The following GRID2 variants were observed in gnomAD, a reference collection of about 807,000 sequenced individuals.
The protein encoded by GRID2 is glutamate ionotropic receptor delta type subunit 2, also known as glutamate receptor ionotropic, delta-2.
Under a neutral mutation model 114.8 loss-of-function variants are expected in GRID2, and 33 were observed. That is an observed-to-expected ratio of 0.29 (90% CI 0.22 to 0.38). The LOEUF (loss-of-function observed/expected upper bound fraction) is 0.38, where lower values mean the gene tolerates loss of function less well. Ranked by LOEUF, GRID2 falls within the 10% of genes least tolerant of loss-of-function variation. The probability of loss-of-function intolerance (pLI) is 1.00; values close to 1 mark genes in which losing one functional copy is unlikely to be tolerated. For missense variants in GRID2, 1,184 were observed against 1,257.7 expected, an observed-to-expected ratio of 0.94 and a Z score of 0.89; for synonymous variants, 505 against 449.9, an observed-to-expected ratio of 1.12 and a Z score of -1.55.
intron 13 of GRID2, among the ~76,000 whole-genome samples, chr4:93,533,669 T>A (rs1010363872): frequency 6.6e-6 from 1 of 150,732 alleles, no homozygotes; most frequent in Non-Finnish European, 1.5e-5. Flanking sequence ...GGATTCCAGG[T>A]GTCAGCAACC....
chr4:93,173,120 TTATATG>T (rs1398201132), intron 4 of GRID2, among the ~76,000 whole-genome samples: 1 of 152,156 alleles, frequency 6.6e-6, no homozygotes, highest in Non-Finnish European at 1.5e-5. Context: ...TTATTTTTAT[TTATATG>T]TATAATTAGA....
intron 2 of GRID2, among the ~76,000 whole-genome samples, chr4:92,803,532 T>C (rs1740272316): frequency 1.3e-5 from 2 of 151,998 alleles, no homozygotes; most frequent in South Asian, 4.1e-4. Flanking sequence ...TATAAAAAAA[T>C]GTATTTCTAG....
chr4:92,453,588 G>T (rs1721060776), intron 1 of GRID2, among the ~76,000 whole-genome samples: 2 of 152,208 alleles, frequency 1.3e-5, no homozygotes, highest in East Asian at 3.9e-4. Flanking sequence ...TATTTGTAAA[G>T]ACATGGATTT....
intron 14 of GRID2, among the ~76,000 whole-genome samples, chr4:93,735,379 A>G (rs572661593): frequency 6.6e-6 from 1 of 152,092 alleles, no homozygotes; most frequent in African/African-American, 2.4e-5. Flanking sequence ...AGAAAGTTTT[A>G]TGTATACAAC....
At chr4:92,734,272 T>C (rs568345975) in intron 2 of GRID2, among the ~76,000 whole-genome samples, 2 of 152,178 alleles carry the variant, frequency 1.3e-5, no homozygotes, top group African/African-American at 4.8e-5. Flanking sequence ...TTTTTTTCTT[T>C]TTATTTTCTT....
At chr4:92,830,383 G>A (rs1742021123) in intron 2 of GRID2, among the ~76,000 whole-genome samples, 1 of 151,180 alleles carries the variant, frequency 6.6e-6, no homozygotes. Flanking sequence ...CTAAGCCTAC[G>A]TTTTGTGGTG....
At chr4:93,084,083 A>G (rs527919737) in intron 2 of GRID2, among the ~76,000 whole-genome samples, 1 of 152,090 alleles carries the variant, frequency 6.6e-6, no homozygotes, top group Non-Finnish European at 1.5e-5. Context: ...CAGTTATAAA[A>G]TGAAAATAAT....
At chr4:93,423,347 T>C (rs1442742919) in intron 10 of GRID2, among the ~76,000 whole-genome samples, 167 of 117,230 alleles carry the variant, frequency 1.4e-3, no homozygotes, top group African/African-American at 5.2e-3. Flanking sequence ...TTTTTTTTTT[T>C]TTTTTTTTTT....
intron 1 of GRID2, among the ~76,000 whole-genome samples, chr4:92,541,059 C>T (rs1256991129): frequency 1.3e-5 from 2 of 152,006 alleles, no homozygotes; most frequent in Non-Finnish European, 2.9e-5. Flanking sequence ...AACCAAACAC[C>T]ACATGTTCTC....
At chr4:92,716,737 G>A (rs966489690) in intron 2 of GRID2, among the ~76,000 whole-genome samples, 2 of 152,096 alleles carry the variant, frequency 1.3e-5, no homozygotes, top group African/African-American at 2.4e-5. Flanking sequence ...CCTATTATAC[G>A]CTTTGAGTCA....
intron 2 of GRID2, among the ~76,000 whole-genome samples, chr4:92,987,604 T>A (rs1754589584): frequency 6.6e-6 from 1 of 151,642 alleles, no homozygotes; most frequent in South Asian, 2.1e-4. Context: ...TAAAAAAAAA[T>A]AAAAATAAGA....
intron 1 of GRID2, among the ~76,000 whole-genome samples, chr4:92,556,728 G>C: frequency 6.6e-6 from 1 of 152,074 alleles, no homozygotes; most frequent in East Asian, 1.9e-4. Context: ...CTGCTGGCTG[G>C]AGACCACTTG....
intron 2 of GRID2, among the ~76,000 whole-genome samples, chr4:92,958,161 G>T (rs1489190832): frequency 6.6e-6 from 1 of 151,856 alleles, no homozygotes; most frequent in Non-Finnish European, 1.5e-5. Context: ...GTATAATTGT[G>T]CTAGGACTTT....
At chr4:92,889,901 C>T (rs1034314240) in intron 2 of GRID2, among the ~76,000 whole-genome samples, 3 of 152,152 alleles carry the variant, frequency 2.0e-5, no homozygotes, top group African/African-American at 7.2e-5. Context: ...CAGCATGGTA[C>T]TGGTACCAAA....
At chr4:93,546,309 A>G (rs1041833928) in intron 13 of GRID2, among the ~76,000 whole-genome samples, 23 of 152,200 alleles carry the variant, frequency 1.5e-4, no homozygotes, top group Non-Finnish European at 2.4e-4. Flanking sequence ...AGGTGTGCGC[A>G]GTGAAAAGAA....
At chr4:92,937,565 A>G (rs898032616) in intron 2 of GRID2, among the ~76,000 whole-genome samples, 1 of 146,278 alleles carries the variant, frequency 6.8e-6, no homozygotes, top group Non-Finnish European at 1.5e-5. Flanking sequence ...AATGATCCAT[A>G]TATTTATATT....
intron 2 of GRID2, among the ~76,000 whole-genome samples, chr4:92,698,592 T>A (rs190231290): frequency 1.3e-3 from 192 of 152,006 alleles, no homozygotes; most frequent in Middle Eastern, 3.4e-3. Flanking sequence ...TTTAGAAATG[T>A]CCATCTTATT....
intron 1 of GRID2, among the ~76,000 whole-genome samples, chr4:93,787,975 G>A (rs1464319784): frequency 6.6e-6 from 1 of 152,152 alleles, no homozygotes; most frequent in Non-Finnish European, 1.5e-5. Context: ...TCATAATTGA[G>A]ATGAAGGTAA....
intron 14 of GRID2, among the ~76,000 whole-genome samples, chr4:93,692,371 T>C (rs905907237): frequency 1.7e-4 from 26 of 152,184 alleles, no homozygotes; most frequent in African/African-American, 4.8e-4. Context: ...GGGACATGCC[T>C]GGAAAAGCCC....
Sources: allele counts gnomAD v4.1 joint callset (sites outside exome capture counted in the v4.1 genomes callset), GRCh38; gene constraint gnomAD v4.1.1; transcripts MANE v1.5; gene names NCBI Gene and HGNC (gene_info 2026-07-23, HGNC 2026-07-21).